HS3ST2: variants seen among roughly 807,000 people sequenced by gnomAD.
HS3ST2 encodes the protein heparan sulfate glucosamine 3-O-sulfotransferase 2.
A neutral mutation model predicts 26.3 loss-of-function variants in HS3ST2; 17 were observed. The ratio of observed to expected loss-of-function variants is 0.65; its 90% CI spans 0.44 to 0.97. The LOEUF is 0.97. Ranked by LOEUF, HS3ST2 falls within the 50% of genes least tolerant of loss-of-function variation. HS3ST2 has a pLI of 0.00. For missense variants in HS3ST2, 402 were observed against 501.2 expected (o/e 0.80, Z 1.89); for synonymous variants, 237 against 219.2 (o/e 1.08, Z -0.72).
chr16:22,841,872 A>T (rs961835903), intron 1 of HS3ST2, among the ~76,000 whole-genome samples: 2 of 152,140 alleles, frequency 1.3e-5, no homozygotes, highest in Non-Finnish European at 2.9e-5. Context: ...CATTTAGCTC[A>T]GTATGGAATT....
intron 1 of HS3ST2, among the ~76,000 whole-genome samples, chr16:22,837,630 AACAC>A (rs34064588): frequency 2.0e-5 from 3 of 148,282 alleles, no homozygotes; most frequent in Non-Finnish European, 4.5e-5. Flanking sequence ...TATACACACA[AACAC>A]ACACACATAT....
chr16:22,910,205 G>A (rs1299343894), intron 1 of HS3ST2, among the ~76,000 whole-genome samples: 1 of 152,184 alleles, frequency 6.6e-6, no homozygotes. Flanking sequence ...GTGCTTCACA[G>A]CTCTATAGTC....
chr16:22,814,849 C>G lies in HS3ST2; in HGVS notation c.239C>G (p.Pro80Arg), dbSNP rs575473322. ...CCCTGTGATCCCTCCGGGCCGACGC[C>G]CAGCGAGCCCAGCGCTCCCAGCGCG... ...SRPCDPSGPT[P>R]SEPSAPSAPA... Residue 80 changes from proline (P) to arginine (R), a missense_variant, in exon 1 of 2, where the codon CCC (proline) becomes CGC (arginine). Physicochemically the swap from Pro to Arg is moderately radical, Grantham distance 103. Around this residue, in one of 2 missense-constraint regions of HS3ST2, gnomAD observed 165 missense variants for 154.6 expected, o/e 1.07. Coordinates refer to ENST00000261374, the MANE Select transcript of HS3ST2 (RefSeq NM_006043.2). 1 of 1,562,098 alleles carries G rather than the reference C, an allele frequency of 6.4e-7. No homozygotes were observed. Among genetic ancestry groups the G allele is most frequent in the African/African-American group, 1.4e-5 (1 of 73,656 alleles).
chr16:22,852,193 T>G (rs1330359350), intron 1 of HS3ST2, among the ~76,000 whole-genome samples: 1 of 152,194 alleles, frequency 6.6e-6, no homozygotes, highest in East Asian at 1.9e-4. Context: ...ACAGCCCCCA[T>G]CTTAAAGACT....
In HS3ST2 at chr16:22,815,062, A is replaced by G; in HGVS notation, c.452A>G (p.Asp151Gly). ...TTGGGCACGGAACCCCACTTCTTTG[A>G]CAGGAACTACGGCCGCGGGCTGGAT... Reference protein sequence around the residue: ...RALGTEPHFFDRNYGRGLDWY... With the variant: ...RALGTEPHFFGRNYGRGLDWY... The change falls in exon 1 of 2, where the codon GAC becomes GGC. Residue 151 changes from aspartate (D) to glycine (G), a missense_variant. By Grantham distance (94) the Asp-to-Gly change is moderately conservative. Transcript: ENST00000261374. 6.2e-7 allele frequency: 1 copy of G among 1,613,132 alleles called. No homozygotes were observed. Among genetic ancestry groups the G allele is most frequent in the Non-Finnish European group, 8.5e-7 (1 of 1,180,038 alleles).
intron 1 of HS3ST2, among the ~76,000 whole-genome samples, chr16:22,891,331 T>C (rs1324861041): frequency 6.6e-6 from 1 of 152,184 alleles, no homozygotes; most frequent in African/African-American, 2.4e-5. Flanking sequence ...TCGAAGTCTT[T>C]CCACAGTTCT....
intron 1 of HS3ST2, among the ~76,000 whole-genome samples, chr16:22,912,240 C>T (rs766897099): frequency 6.6e-6 from 1 of 152,156 alleles, no homozygotes; most frequent in Admixed American, 6.5e-5. Flanking sequence ...TTAACCATTT[C>T]AGAGTTAGGG....
chr16:22,842,310 G>A (rs1459828937), intron 1 of HS3ST2, among the ~76,000 whole-genome samples: 2 of 151,988 alleles, frequency 1.3e-5, no homozygotes, highest in East Asian at 1.9e-4. Flanking sequence ...TAATTCACCC[G>A]CCTCAGCCTC....
chr16:22,878,384 A>G (rs1006841785), intron 1 of HS3ST2, among the ~76,000 whole-genome samples: 2 of 152,236 alleles, frequency 1.3e-5, no homozygotes, highest in Admixed American at 1.3e-4. Context: ...CTGAAGGCTC[A>G]GAGCCTGAGA....
chr16:22,905,369 A>T (rs138285152), intron 1 of HS3ST2, among the ~76,000 whole-genome samples: 1 of 151,234 alleles, frequency 6.6e-6, no homozygotes, highest in Admixed American at 6.6e-5. Flanking sequence ...TCAAAAATAT[A>T]ATTTCCAGAA....
intron 1 of HS3ST2, among the ~76,000 whole-genome samples, chr16:22,863,765 G>A (rs1230047527): frequency 1.3e-5 from 2 of 152,156 alleles, no homozygotes; most frequent in Non-Finnish European, 2.9e-5. Context: ...ATCGATGAGG[G>A]CCATTCTGGC....
chr16:22,873,299 G>A (rs1288406223), intron 1 of HS3ST2, among the ~76,000 whole-genome samples: 1 of 152,130 alleles, frequency 6.6e-6, no homozygotes, highest in African/African-American at 2.4e-5. Context: ...CTATTTCACA[G>A]GTTATTAAAT....
intron 1 of HS3ST2, among the ~76,000 whole-genome samples, chr16:22,839,916 C>T (rs1901328211): frequency 6.6e-6 from 1 of 152,098 alleles, no homozygotes; most frequent in South Asian, 2.1e-4. Context: ...GGCCTTTCAC[C>T]TCAGCTTTTT....
At chr16:22,908,556 T>C (rs187321730) in intron 1 of HS3ST2, among the ~76,000 whole-genome samples, 6 of 152,326 alleles carry the variant, frequency 3.9e-5, no homozygotes, top group African/African-American at 1.4e-4. Context: ...ACCTTCTTGC[T>C]GTTGGGGGCT....
rs935612566 is a variant in HS3ST2, at chr16:22,915,218, G to A, written c.760G>A (p.Val254Met). ...SWNAIRIGMY[V>M]LHLESWLQYF... Reference sequence around the variant, plus strand: ...GAACGCCATCCGCATCGGCATGTACGTGCTGCACCTGGAGAGCTGGCTGCA... The same window carrying A: ...GAACGCCATCCGCATCGGCATGTACATGCTGCACCTGGAGAGCTGGCTGCA... The change falls in exon 2 of 2, where the codon GTG (valine) becomes ATG (methionine). Residue 254 changes from valine (V) to methionine (M), a missense_variant. Val to Met is a conservative substitution (Grantham distance 21). Coordinates refer to ENST00000261374, the MANE Select transcript of HS3ST2 (RefSeq NM_006043.2). 2 of 1,614,074 alleles carry A rather than the reference G, an allele frequency of 1.2e-6. No homozygotes were observed. The highest frequency in any genetic ancestry group is 1.7e-6 in the Non-Finnish European group (2 of 1,180,012).
At chr16:22,896,767 CTTTCTTTCTTTTGT>C (rs1902216764) in intron 1 of HS3ST2, among the ~76,000 whole-genome samples, 1 of 152,024 alleles carries the variant, frequency 6.6e-6, no homozygotes, top group South Asian at 2.1e-4. Context: ...TGTCTTTTCT[CTTTCTTTCTTTTGT>C]TTTCTTTCTT....
In HS3ST2 at chr16:22,843,288, A is replaced by C. The variant is rs182696248; in HGVS notation, c.485+28193A>C. Among the ~76,000 whole-genome samples the C allele has an allele frequency of 9.2e-5, 14 of 152,128 alleles. No homozygotes were observed. The East Asian group carries it at 2.3e-3, about 25-fold the overall frequency. On this transcript the variant is annotated intron_variant, in intron 1 of 1. Transcript: ENST00000261374. The stretch of plus-strand genomic sequence containing the variant: ...CTTTTGGGTTAATTTCCCATCACCA[A>C]GCAGCAGACACCAGCTGACTGTCCT...
At chr16:22,855,061 A>G (rs1901570284) in intron 1 of HS3ST2, among the ~76,000 whole-genome samples, 1 of 152,198 alleles carries the variant, frequency 6.6e-6, no homozygotes, top group African/African-American at 2.4e-5. Context: ...AAAGAAATTT[A>G]TGAAAAGTAG....
At chr16:22,903,498 C>A (rs1902307336) in intron 1 of HS3ST2, among the ~76,000 whole-genome samples, 1 of 152,170 alleles carries the variant, frequency 6.6e-6, no homozygotes, top group South Asian at 2.1e-4. Flanking sequence ...TGTACTCATA[C>A]CCAGCCATTA....
Sources: gnomAD v4.1 joint callset for allele counts (sites outside exome capture counted in the v4.1 genomes callset) on GRCh38, gnomAD v4.1.1 for gene constraint, gnomAD v4.1.1 regional missense constraint, MANE v1.5 for transcripts, NCBI Gene and HGNC (gene_info 2026-07-23, HGNC 2026-07-21) for gene names.